ALDH1A1: variants seen among roughly 807,000 people sequenced by gnomAD.
ALDH1A1 encodes aldehyde dehydrogenase 1 family member A1.
In ALDH1A1, 19 loss-of-function variants were observed where a neutral mutation model predicts 62.1. The observed-to-expected ratio is 0.31, with a 90% CI of 0.21 to 0.45. The LOEUF is 0.45. Ranked by LOEUF, ALDH1A1 falls within the 20% of genes least tolerant of loss-of-function variation. The pLI is 1.00. For missense variants in ALDH1A1, 521 were observed against 607.1 expected (o/e 0.86, Z 1.49); for synonymous variants, 231 against 215.9 (o/e 1.07, Z -0.61).
intron 2 of ALDH1A1, among the ~76,000 whole-genome samples, chr9:72,932,436 T>A (rs1352715627): frequency 6.6e-6 from 1 of 152,190 alleles, no homozygotes; most frequent in African/African-American, 2.4e-5. Context: ...ATTCTTCTAG[T>A]ATTTATCACC....
intron 1 of ALDH1A1, among the ~76,000 whole-genome samples, chr9:72,944,415 G>A (rs542446315): frequency 1.3e-5 from 2 of 152,138 alleles, no homozygotes; most frequent in African/African-American, 4.8e-5. Flanking sequence ...GCCAGGTATT[G>A]CCCAGTCTTT....
intron 2 of ALDH1A1, among the ~76,000 whole-genome samples, chr9:72,937,751 T>A (rs1830362408): frequency 6.6e-6 from 1 of 152,044 alleles, no homozygotes; most frequent in African/African-American, 2.4e-5. Context: ...TAAACAAAGG[T>A]TGAGTAATAT....
intron 6 of ALDH1A1, 88 bp downstream of exon 6, chr9:72,925,396 G>C: frequency 6.8e-7 from 1 of 1,465,528 alleles, no homozygotes; most frequent in Non-Finnish European, 9.3e-7. Context: ...TGTAAATAAT[G>C]TACTTTATAG....
At chr9:72,951,944 C>T (rs1830547925) in intron 1 of ALDH1A1, among the ~76,000 whole-genome samples, 1 of 151,840 alleles carries the variant, frequency 6.6e-6, no homozygotes, top group Admixed American at 6.6e-5. Flanking sequence ...ATGCAACAGA[C>T]CTTGGGATTT....
At chr9:72,940,041 A>G in intron 2 of ALDH1A1, 107 bp downstream of exon 2, 1 of 739,954 alleles carries the variant, frequency 1.4e-6, no homozygotes, top group Non-Finnish European at 2.2e-6. Flanking sequence ...CCCAGAAACC[A>G]TATTTTCATG....
At position 72,905,482 on chromosome 9, in the gene ALDH1A1, A is replaced by G. The variant is rs530204852; in HGVS notation, c.1433+476T>C. 6.6e-5 allele frequency among the ~76,000 whole-genome samples: 10 copies of G among 152,268 alleles called. No homozygotes were observed. In the East Asian group the frequency reaches 1.9e-3, roughly 29 times the overall value. On this transcript the variant is annotated intron_variant, in intron 12 of 12. Coordinates refer to ENST00000297785, the MANE Select transcript of ALDH1A1 (RefSeq NM_000689.5). ...ATAAAAAATGTTAAAGTCTACATCA[A>G]TAATATCTCAACAAATGGGAATCAT...
At chr9:72,913,754 C>T (rs917114666) in intron 9 of ALDH1A1, among the ~76,000 whole-genome samples, 27 of 152,234 alleles carry the variant, frequency 1.8e-4, no homozygotes, top group African/African-American at 6.5e-4. Flanking sequence ...TTGCTACCGA[C>T]AATGTGGTCC....
At chr9:72,931,297 G>A (rs528174321) in intron 2 of ALDH1A1, among the ~76,000 whole-genome samples, 2 of 152,154 alleles carry the variant, frequency 1.3e-5, no homozygotes, top group Non-Finnish European at 2.9e-5. Context: ...CTGAGTGCTT[G>A]CCCTGTTTCA....
chr9:72,908,545 A>AAGAAAGAAAAG (rs1829918519), intron 11 of ALDH1A1, among the ~76,000 whole-genome samples: 1 of 63,468 alleles, frequency 1.6e-5, no homozygotes, highest in African/African-American at 6.3e-5. Context: ...GAAAGAAAGA[A>AAGAAAGAAAAG]AAGAAAGAAG....
intron 12 of ALDH1A1, among the ~76,000 whole-genome samples, 192 bp from the exon 13 acceptor site, chr9:72,901,472 G>A (rs1353141229): frequency 6.6e-6 from 1 of 151,930 alleles, no homozygotes; most frequent in African/African-American, 2.4e-5. Context: ...ATTCCCTTGT[G>A]GGGAAAATTT....
chr9:72,917,629 C>A (rs950864267), intron 8 of ALDH1A1, among the ~76,000 whole-genome samples: 12 of 152,130 alleles, frequency 7.9e-5, no homozygotes, highest in Non-Finnish European at 1.3e-4. Context: ...CAGAATCACT[C>A]ACTCACCTTA....
chr9:72,912,873 A>G (rs920304858), intron 9 of ALDH1A1, among the ~76,000 whole-genome samples: 9 of 152,228 alleles, frequency 5.9e-5, no homozygotes, highest in Non-Finnish European at 1.3e-4. Context: ...AACACCAGGA[A>G]CACGTACCTC....
chr9:72,928,473 T>C (rs989807064), intron 4 of ALDH1A1, among the ~76,000 whole-genome samples: 5 of 152,152 alleles, frequency 3.3e-5, no homozygotes, highest in African/African-American at 1.2e-4. Flanking sequence ...TGACCATAAC[T>C]GACTTATACT....
At chr9:72,913,854 T>C (rs576980427) in intron 9 of ALDH1A1, among the ~76,000 whole-genome samples, 2 of 152,298 alleles carry the variant, frequency 1.3e-5, no homozygotes, top group African/African-American at 2.4e-5. Flanking sequence ...ACAGGAAAGA[T>C]TGAGGAACAC....
At chr9:72,950,432 G>A (rs916874894) in intron 1 of ALDH1A1, among the ~76,000 whole-genome samples, 4 of 151,768 alleles carry the variant, frequency 2.6e-5, no homozygotes, top group Non-Finnish European at 5.9e-5. Context: ...AATTTATAGC[G>A]ATGTTTTTGA....
Position 72,916,922 on chromosome 9 carries a change from G to A in ALDH1A1, c.1033C>T (p.Gln345Ter). The A allele has an allele frequency of 1.2e-6, 2 of 1,603,954 alleles. No homozygotes were observed. The highest frequency in any genetic ancestry group is 1.7e-6 in the Non-Finnish European group (2 of 1,174,820). Reference protein sequence around the residue: ...PLTPGVTQGPQIDKEQYDKIL... With the variant: ...PLTPGVTQGP The stretch of plus-strand genomic sequence containing the variant: ...TATCCTTTCTATTTTATACTTACCT[G>A]AGGGCCTTGAGTGACTCCTGGGGTC... Residue 345 changes from glutamine (Q) to a stop codon, truncating the protein, a stop_gained and splice_region_variant, in exon 9 of 13, where the codon CAG (glutamine) becomes TAG (stop). Coordinates refer to ENST00000297785, the MANE Select transcript of ALDH1A1 (RefSeq NM_000689.5). LOFTEE classifies it high-confidence loss of function.
chr9:72,909,523 C>A, intron 11 of ALDH1A1, 79 bp downstream of exon 11: 1 of 1,339,398 alleles, frequency 7.5e-7, no homozygotes. Flanking sequence ...ATGAAAAATC[C>A]AAGTCTGAAA....
At chr9:72,915,085 G>A (rs957350952) in intron 9 of ALDH1A1, among the ~76,000 whole-genome samples, 28 of 152,064 alleles carry the variant, frequency 1.8e-4, no homozygotes, top group African/African-American at 6.5e-4. Context: ...CTGACTCAAT[G>A]GAACTTGTGA....
chr9:72,910,653 A>G (rs1829970761), intron 10 of ALDH1A1, among the ~76,000 whole-genome samples: 1 of 152,190 alleles, frequency 6.6e-6, no homozygotes, highest in African/African-American at 2.4e-5. Context: ...TAAAATATTT[A>G]TTAAGATCAG....
Sources: gnomAD v4.1 joint callset for allele counts (sites outside exome capture counted in the v4.1 genomes callset) on GRCh38, gnomAD v4.1.1 for gene constraint, MANE v1.5 for transcripts, NCBI Gene and HGNC (gene_info 2026-07-23, HGNC 2026-07-21) for gene names.